LRRTM4: variants seen among roughly 807,000 people sequenced by gnomAD.
LRRTM4 encodes leucine rich repeat transmembrane neuronal 4, also known as leucine-rich repeat transmembrane neuronal protein 4.
Under a neutral mutation model 47.6 loss-of-function variants are expected in LRRTM4, and 25 were observed. That is an observed-to-expected ratio of 0.53 (90% CI 0.38 to 0.73). LRRTM4 has a LOEUF of 0.73. LRRTM4 is among the 30% of genes least tolerant of loss of function. LRRTM4 has a pLI of 0.00. For missense variants in LRRTM4, 638 were observed against 713.4 expected (o/e 0.89, Z 1.20); for synonymous variants, 311 against 269.5 (o/e 1.15, Z -1.51).
chr2:77,350,050 C>T (rs1399059480), intron 3 of LRRTM4, among the ~76,000 whole-genome samples: 3 of 151,938 alleles, frequency 2.0e-5, no homozygotes, highest in South Asian at 2.1e-4. Context: ...TGGCCGGGCG[C>T]GGTGGCTCAC....
At position 77,429,678 on chromosome 2, in the gene LRRTM4, T is replaced by C. The variant is rs370761521; in HGVS notation, c.1551+88640A>G. The stretch of plus-strand genomic sequence containing the variant: ...AAGTTGAACTCATAGAAGTAGAGAG[T>C]GGAATGGCGGTTATCAGGAGCTGGG... On this transcript the variant is annotated intron_variant, in intron 3 of 3. Transcript: ENST00000409884. 4.2e-4 allele frequency among the ~76,000 whole-genome samples: 64 copies of C among 151,532 alleles called. 1 individual carries two copies. The East Asian group carries it at 8.0e-3, about 19-fold the overall frequency.
chr2:77,364,267 C>G (rs967617958), intron 3 of LRRTM4, among the ~76,000 whole-genome samples: 4 of 152,064 alleles, frequency 2.6e-5, no homozygotes, highest in Non-Finnish European at 5.9e-5. Context: ...CTCCTCTGTA[C>G]ACATTTGTTT....
At chr2:77,412,973 A>T (rs1283665090) in intron 3 of LRRTM4, among the ~76,000 whole-genome samples, 2 of 152,160 alleles carry the variant, frequency 1.3e-5, no homozygotes, top group Admixed American at 1.3e-4. Flanking sequence ...TTTACTACTT[A>T]AAAAGCATTT....
chr2:77,388,628 G>A (rs1673380989), intron 3 of LRRTM4, among the ~76,000 whole-genome samples: 1 of 151,732 alleles, frequency 6.6e-6, no homozygotes, highest in Non-Finnish European at 1.5e-5. Context: ...ATCATTCATA[G>A]TCCTATTAAT....
At chr2:76,957,463 AC>A (rs1006488075) in intron 3 of LRRTM4, among the ~76,000 whole-genome samples, 3 of 151,746 alleles carry the variant, frequency 2.0e-5, no homozygotes, top group African/African-American at 7.2e-5. Context: ...AGGTAAAAGA[AC>A]CCTGCTTTAC....
Position 76,880,226 on chromosome 2 carries a change from C to G in LRRTM4, c.1552-131310G>C, listed in dbSNP as rs115750173. Among the ~76,000 whole-genome samples, 768 of 152,238 alleles carry G rather than the reference C, an allele frequency of 5.0e-3. 3 individuals carry two copies. Among genetic ancestry groups the G allele is most frequent in the Admixed American group, 7.8e-3 (120 of 15,298 alleles). On this transcript the variant is annotated intron_variant, in intron 3 of 3. Transcript: ENST00000409884. ...ACAGCATCACATGCCACAGAAAGAT[C>G]TTTAGTGAAAGGAAGAATCAAACAC... is the stretch of plus-strand genomic sequence containing the variant.
chr2:77,263,770 G>A (rs956705504), intron 3 of LRRTM4, among the ~76,000 whole-genome samples: 1 of 152,010 alleles, frequency 6.6e-6, no homozygotes, highest in Admixed American at 6.6e-5. Context: ...TTACTGTAAA[G>A]TTATGCTTTT....
intron 3 of LRRTM4, among the ~76,000 whole-genome samples, chr2:77,066,236 G>C (rs1252543076): frequency 6.6e-6 from 1 of 152,060 alleles, no homozygotes; most frequent in East Asian, 1.9e-4. Context: ...ATAGTACGTA[G>C]GTTTTTATGT....
intron 3 of LRRTM4, among the ~76,000 whole-genome samples, chr2:76,982,924 A>G (rs17405905): frequency 0.14 from 21,169 of 152,084 alleles, 1,615 homozygotes; most frequent in Admixed American, 0.2. Context: ...GCAATAGCAT[A>G]AAAGCATTTT....
intron 3 of LRRTM4, among the ~76,000 whole-genome samples, chr2:77,316,394 G>T (rs1438605573): frequency 6.6e-6 from 1 of 152,070 alleles, no homozygotes; most frequent in Admixed American, 6.6e-5. Flanking sequence ...CAACTGTAAA[G>T]TTTTTTAAGT....
intron 3 of LRRTM4, among the ~76,000 whole-genome samples, chr2:76,763,694 G>A (rs1168004087): frequency 6.6e-6 from 1 of 152,166 alleles, no homozygotes; most frequent in East Asian, 1.9e-4. Flanking sequence ...TCTGGGTCAT[G>A]GGTAGAGGCC....
chr2:77,410,921 C>A (rs1275966323), intron 3 of LRRTM4, among the ~76,000 whole-genome samples: 2 of 152,086 alleles, frequency 1.3e-5, no homozygotes, highest in Non-Finnish European at 2.9e-5. Flanking sequence ...ATTTGCCAAA[C>A]ATTTGTTGGA....
At chr2:77,136,367 G>C (rs1442347746) in intron 3 of LRRTM4, among the ~76,000 whole-genome samples, 1 of 152,120 alleles carries the variant, frequency 6.6e-6, no homozygotes, top group East Asian at 1.9e-4. Context: ...AGGCAAACAG[G>C]GTCTGGAGTG....
intron 3 of LRRTM4, among the ~76,000 whole-genome samples, chr2:77,099,215 T>C (rs779788230): frequency 5.9e-5 from 9 of 151,992 alleles, no homozygotes; most frequent in Non-Finnish European, 1.3e-4. Flanking sequence ...ATATACAAAG[T>C]ACTATTCCTC....
At chr2:77,204,302 C>T (rs1377350973) in intron 3 of LRRTM4, among the ~76,000 whole-genome samples, 4 of 151,988 alleles carry the variant, frequency 2.6e-5, no homozygotes, top group African/African-American at 9.7e-5. Context: ...ATGAAAATTT[C>T]TTGACTAAAT....
At chr2:77,483,470 A>G (rs1305858372) in intron 3 of LRRTM4, among the ~76,000 whole-genome samples, 1 of 152,022 alleles carries the variant, frequency 6.6e-6, no homozygotes, top group Non-Finnish European at 1.5e-5. Flanking sequence ...CCTCCCAAGT[A>G]GCTGGGATTA....
intron 3 of LRRTM4, among the ~76,000 whole-genome samples, chr2:77,430,192 TGTTAATTAGCTAGCTTTA>T (rs1237154397): frequency 6.6e-6 from 1 of 152,226 alleles, no homozygotes; most frequent in East Asian, 1.9e-4. Flanking sequence ...GTGATGCATA[TGTTAATTAGCTAGCTTTA>T]GTTATTCCAC....
At chr2:76,988,579 A>C in intron 3 of LRRTM4, among the ~76,000 whole-genome samples, 1 of 151,892 alleles carries the variant, frequency 6.6e-6, no homozygotes, top group East Asian at 1.9e-4. Context: ...AATTCCTCAA[A>C]AAGAAACAAT....
intron 3 of LRRTM4, among the ~76,000 whole-genome samples, chr2:76,832,592 C>T (rs1340730442): frequency 6.7e-6 from 1 of 150,330 alleles, no homozygotes; most frequent in Non-Finnish European, 1.5e-5. Context: ...ATTTTCTCAA[C>T]ACATATCCAG....
Sources: gnomAD v4.1 joint callset for allele counts (sites outside exome capture counted in the v4.1 genomes callset) on GRCh38, gnomAD v4.1.1 for gene constraint, MANE v1.5 for transcripts, NCBI Gene and HGNC (gene_info 2026-07-23, HGNC 2026-07-21) for gene names.